The following ACAT1 variants were observed in gnomAD, a reference collection of about 807,000 sequenced individuals.
ACAT1 encodes acetyl-CoA acetyltransferase, mitochondrial.
ACAT1 carries 28 observed loss-of-function variants against 47.3 expected under a neutral mutation model. The ratio of observed to expected loss-of-function variants is 0.59; its 90% CI spans 0.44 to 0.81. ACAT1 has a LOEUF of 0.81. Among genes scored for constraint, ACAT1 ranks in the 30% least tolerant of loss-of-function variants. The pLI, the probability that ACAT1 is intolerant of heterozygous loss-of-function variation, is 0.00. For missense variants in ACAT1, 469 were observed against 524.3 expected, an observed-to-expected ratio of 0.89 and a Z score of 1.03; for synonymous variants, 181 against 173.6, an observed-to-expected ratio of 1.04 and a Z score of -0.34.
At chr11:108,135,846 T>C (rs2077458797) in intron 5 of ACAT1, among the ~76,000 whole-genome samples, 1 of 152,056 alleles carries the variant, frequency 6.6e-6, no homozygotes, top group African/African-American at 2.4e-5. Flanking sequence ...TTGTTTTTAG[T>C]CAAGGCATTT....
At chr11:108,139,182 T>C in intron 6 of ACAT1, 141 bp downstream of exon 6, 1 of 1,114,524 alleles carries the variant, frequency 9.0e-7, no homozygotes, top group South Asian at 1.3e-5. Flanking sequence ...GAGAATATTT[T>C]TGTATGCCTA....
Position 108,139,028 on chromosome 11 carries a change from A to G in ACAT1, c.566A>G (p.Asn189Ser). The change falls in exon 6 of 12, where the codon AAT (asparagine) becomes AGT (serine). Residue 189 changes from asparagine (N) to serine (S), a missense_variant. Asn to Ser is a conservative substitution (Grantham distance 46). Coordinates refer to ENST00000265838, the MANE Select transcript of ACAT1 (RefSeq NM_000019.4). Reference sequence around the variant, plus strand: ...AAAGACGGGCTAACTGATGTCTACAATAAAATTCATATGGTAAATGTGATT... The same window carrying G: ...AAAGACGGGCTAACTGATGTCTACAGTAAAATTCATATGGTAAATGTGATT... The part of the protein sequence containing the change: ...IVKDGLTDVY[N>S]KIHMGSCAEN... 3.1e-6 allele frequency: 5 copies of G among 1,614,202 alleles called. No homozygotes were observed. Among genetic ancestry groups the G allele is most frequent in the Non-Finnish European group, 4.2e-6 (5 of 1,180,024 alleles).
Position 108,135,154 on chromosome 11 carries a change from C to G in ACAT1, c.347C>G (p.Ser116Cys). ...QAVLGAGLPI[S>C]TPCTTINKVC... ...ATATTGGTTTTAGGCTTACCTATTT[C>G]TACTCCATGTACCACCATAAACAAA... The change falls in exon 5 of 12, where the codon TCT becomes TGT. Residue 116 changes from serine to cysteine, a missense_variant. Transcript: ENST00000265838. 1 of 1,613,258 alleles carries G rather than the reference C, an allele frequency of 6.2e-7. No homozygotes were observed. Among genetic ancestry groups the G allele is most frequent in the South Asian group, 1.1e-5 (1 of 91,060 alleles).
At chr11:108,119,286 C>T (rs2077110931), upstream of ACAT1, among the ~76,000 whole-genome samples, 1 of 152,042 alleles carries the variant, frequency 6.6e-6, no homozygotes, top group Admixed American at 6.5e-5. Flanking sequence ...TCACTGCAAC[C>T]TCCACCTCCC....
chr11:108,124,907 A>G (rs2077220900), intron 1 of ACAT1, among the ~76,000 whole-genome samples: 1 of 152,154 alleles, frequency 6.6e-6, no homozygotes, highest in East Asian at 1.9e-4. Context: ...TCTCAGCTCC[A>G]TTAACATTGC....
intron 7 of ACAT1, 74 bp downstream of exon 7, chr11:108,140,289 A>G: frequency 6.4e-7 from 1 of 1,564,660 alleles, no homozygotes; most frequent in Non-Finnish European, 8.8e-7. Flanking sequence ...GTTTTAAATT[A>G]GGACATTATC....
chr11:108,118,265 C>A (rs1034259424), upstream of ACAT1, among the ~76,000 whole-genome samples: 1 of 152,008 alleles, frequency 6.6e-6, no homozygotes, highest in Non-Finnish European at 1.5e-5. Context: ...AATACTAGTA[C>A]TAATAATAAT....
rs2134791187 is a variant in ACAT1 at position 108,146,240 on chromosome 11, A to C, written c.1044A>C (p.Ala348=). 3.1e-6 allele frequency: 5 copies of C among 1,613,564 alleles called. No individual in the cohort carries two copies. The highest frequency in any genetic ancestry group is 4.2e-6 in the Non-Finnish European group (5 of 1,179,554). Residue 348 remains alanine, a synonymous_variant, in exon 11 of 12, where the codon GCA becomes GCC. Transcript: ENST00000265838. ...KDVGLKKEDI[A]MWEVNEAFSL... ...TGGGATTGAAAAAAGAAGATATTGCAATGTGGGAAGTAAATGAAGCCTTTA... is the reference window on the plus strand; with the variant it reads ...TGGGATTGAAAAAAGAAGATATTGCCATGTGGGAAGTAAATGAAGCCTTTA...
intron 6 of ACAT1, among the ~76,000 whole-genome samples, chr11:108,139,328 G>A (rs1369244440): frequency 1.3e-5 from 2 of 152,054 alleles, no homozygotes; most frequent in African/African-American, 4.8e-5. Flanking sequence ...CGGTGGCTCT[G>A]GCCTGTAATC....
At position 108,141,714 on chromosome 11, in the gene ACAT1, A is replaced by T. The variant is rs1401347572; in HGVS notation, c.826+14A>T. The T allele has an allele frequency of 4.4e-6, 7 of 1,588,776 alleles. No individual in the cohort carries two copies. In the South Asian group the frequency reaches 6.6e-5, roughly 15 times the overall value. ...AGAAAGAAAATGGTTAGTGTTAAGA[A>T]ATGAAGCATAAGAAAAAATTGAGCC... On this transcript the variant is annotated intron_variant, in intron 8 of 11. Transcript: ENST00000265838.
intron 10 of ACAT1, among the ~76,000 whole-genome samples, chr11:108,144,515 T>G (rs893754854): frequency 1.3e-5 from 2 of 152,120 alleles, no homozygotes; most frequent in African/African-American, 4.8e-5. Context: ...TATCCAAGTC[T>G]CAGTGGGAAA....
intron 10 of ACAT1, chr11:108,144,254 A>G: frequency 1.7e-6 from 1 of 589,302 alleles, no homozygotes; most frequent in Non-Finnish European, 3.0e-6. Flanking sequence ...CACAAACTAC[A>G]TCTTCAGTAG....
At chr11:108,143,962 C>CA in intron 9 of ACAT1, 21 bp from the exon 10 acceptor site, 1 of 1,207,482 alleles carries the variant, frequency 8.3e-7, no homozygotes, top group Non-Finnish European at 1.2e-6. Context: ...TAACAACCCC[C>CA]CCCCCCCTTT....
chr11:108,140,317 C>A, intron 7 of ACAT1, 102 bp downstream of exon 7: 3 of 1,375,080 alleles, frequency 2.2e-6, no homozygotes, highest in Non-Finnish European at 3.1e-6. Flanking sequence ...ATTTCAACTG[C>A]TTATGGTTAA....
intron 1 of ACAT1, among the ~76,000 whole-genome samples, chr11:108,127,013 T>A (rs2077262247): frequency 6.6e-6 from 1 of 151,918 alleles, no homozygotes; most frequent in African/African-American, 2.4e-5. Context: ...AGACGGGGTT[T>A]CAGCATGTTG....
Position 108,141,655 on chromosome 11 carries a change from T to G in ACAT1, c.781T>G (p.Phe261Val). 6.2e-7 allele frequency: 1 copy of G among 1,613,680 alleles called. No homozygotes were observed. Among genetic ancestry groups the G allele is most frequent in the South Asian group, 1.1e-5 (1 of 91,078 alleles). The change falls in exon 8 of 12, where the codon TTT (phenylalanine) becomes GTT (valine). Residue 261 changes from phenylalanine (F) to valine (V), a missense_variant. Coordinates refer to ENST00000265838, the MANE Select transcript of ACAT1 (RefSeq NM_000019.4). The stretch of plus-strand genomic sequence containing the variant: ...AGATGAAGAATATAAACGTGTTGAT[T>G]TTAGCAAAGTTCCAAAGCTGAAGAC... ...KEDEEYKRVD[F>V]SKVPKLKTVF... is the part of the protein sequence containing the mutation.
chr11:108,143,712 T>C (rs1239059958), intron 9 of ACAT1: 1 of 326,832 alleles, frequency 3.1e-6, no homozygotes, highest in Non-Finnish European at 5.7e-6. Flanking sequence ...CCCAGTGGCA[T>C]CTGAACTATT....
At position 108,142,569 on chromosome 11, in the gene ACAT1, G is replaced by A. The variant is rs749860198; in HGVS notation, c.940+19G>A. 3.8e-6 allele frequency: 6 copies of A among 1,587,028 alleles called. No homozygotes were observed. Among genetic ancestry groups the A allele is most frequent in the African/African-American group, 2.7e-5 (2 of 74,342 alleles). On this transcript the variant is annotated intron_variant, in intron 9 of 11. Coordinates refer to ENST00000265838, the MANE Select transcript of ACAT1 (RefSeq NM_000019.4). The stretch of plus-strand genomic sequence containing the variant: ...ATAGTAGGTAAGGCCAGGCGAGGTG[G>A]CTCACACCTGTAATCCCAGCACTTT...
chr11:108,144,174 C>T, intron 10 of ACAT1, 127 bp downstream of exon 10: 2 of 1,054,320 alleles, frequency 1.9e-6, no homozygotes, highest in East Asian at 4.7e-5. Flanking sequence ...TCAAATCTTC[C>T]CATGTCTTCT....
Sources: allele counts gnomAD v4.1 joint callset (sites outside exome capture counted in the v4.1 genomes callset), GRCh38; gene constraint gnomAD v4.1.1; transcripts MANE v1.5; gene names NCBI Gene and HGNC (gene_info 2026-07-23, HGNC 2026-07-21).